Variants in ARIH1 observed in about 807,000 individuals in gnomAD.
The protein encoded by ARIH1 is ariadne RBR E3 ubiquitin protein ligase 1.
ARIH1 carries 8 observed loss-of-function variants against 85.0 expected under a neutral mutation model. That is an observed-to-expected ratio of 0.09 (90% confidence interval 0.06 to 0.17). The LOEUF (loss-of-function observed/expected upper bound fraction) is 0.17. Among genes scored for constraint, ARIH1 ranks in the 10% least tolerant of loss-of-function variants. The pLI, the probability that ARIH1 is intolerant of heterozygous loss-of-function variation, is 1.00. For synonymous variants in ARIH1, 238 were observed against 253.6 expected, an observed-to-expected ratio of 0.94 and a Z score of 0.59; for missense variants, 311 against 718.1, an observed-to-expected ratio of 0.43 and a Z score of 6.48.
intron 1 of ARIH1, among the ~76,000 whole-genome samples, chr15:72,478,803 G>A (rs2063804173): frequency 6.6e-6 from 1 of 152,302 alleles, no homozygotes; most frequent in Admixed American, 6.5e-5. Flanking sequence ...GAGAAGAGCA[G>A]CAGCTCTTAG....
rs141078584 is a variant in ARIH1, at chr15:72,482,375, A to T, written c.375+7361A>T. 1.0e-3 allele frequency among the ~76,000 whole-genome samples: 153 copies of T among 152,288 alleles called. 1 individual carries two copies. Among genetic ancestry groups the T allele is most frequent in the Non-Finnish European group, 1.7e-3 (119 of 68,032 alleles). On this transcript the variant is annotated intron_variant, in intron 1 of 13. Coordinates refer to ENST00000379887, the MANE Select transcript of ARIH1 (RefSeq NM_005744.5). ...GTTAAAGCTGTTAGGTTAGTGAGTA[A>T]TTTAAATAAGTGGATAGTAATAGAT...
At chr15:72,504,031 A>G in intron 1 of ARIH1, among the ~76,000 whole-genome samples, 1 of 152,264 alleles carries the variant, frequency 6.6e-6, no homozygotes, top group East Asian at 1.9e-4. Flanking sequence ...TAGTGAGGGC[A>G]AAGGGCCAGT....
intron 11 of ARIH1, among the ~76,000 whole-genome samples, chr15:72,574,485 CAT>C (rs1240752456): frequency 6.6e-6 from 1 of 152,164 alleles, no homozygotes; most frequent in Non-Finnish European, 1.5e-5. Context: ...AAGGTTGACA[CAT>C]ATTCAAAAGA....
rs1444076655 is a variant in ARIH1, at chr15:72,587,228, A to G, written c.*3936A>G. The stretch of plus-strand genomic sequence containing the variant: ...TTCCTTCTACCTGAAACTTAACATC[A>G]TGCTACCTCTTTGTATCATATTTTG... On this transcript the variant is annotated 3_prime_UTR_variant, in exon 14 of 14. Transcript: ENST00000379887. The G allele has an allele frequency of 3.8e-6, 2 of 527,118 alleles. No individual in the cohort carries two copies. The highest frequency in any genetic ancestry group is 3.9e-6 in the Non-Finnish European group (1 of 256,358). 32.7% of individuals were successfully genotyped at this position (527,118 alleles called of 1,614,324 possible).
intron 7 of ARIH1, 162 bp from the exon 8 acceptor site, chr15:72,566,400 AG>A (rs1357909094): frequency 7.9e-6 from 5 of 634,912 alleles, no homozygotes; most frequent in Non-Finnish European, 1.1e-5. Flanking sequence ...ACTAAATTCT[AG>A]GTAATTAACT....
rs866599194 is a variant in ARIH1 at position 72,474,362 on chromosome 15, T to C, written c.-278T>C. The C allele has an allele frequency of 6.8e-6, 3 of 440,308 alleles. No individual in the cohort carries two copies. Among genetic ancestry groups the C allele is most frequent in the African/African-American group, 2.1e-5 (1 of 46,664 alleles). The allele number at this position is 440,308 out of a possible 1,614,324, so 27.3% of individuals were successfully genotyped here. ...ATAGCAGCGGCCGTGGAGGTGGCGT[T>C]GGGGACTGTTTTCTCTCGGAGGCCG... On this transcript the variant is annotated 5_prime_UTR_variant, in exon 1 of 14. Transcript: ENST00000379887.
At chr15:72,528,680 C>T (rs545871078) in intron 2 of ARIH1, among the ~76,000 whole-genome samples, 1 of 151,940 alleles carries the variant, frequency 6.6e-6, no homozygotes, top group South Asian at 2.1e-4. Context: ...ATAGGGAGAC[C>T]CCCATCTCTA....
intron 1 of ARIH1, among the ~76,000 whole-genome samples, chr15:72,513,705 CTCCCTCCCTCCCCCTGTCCCTCCT>C (rs1337817617): frequency 1.3e-5 from 1 of 77,874 alleles, no homozygotes; most frequent in Non-Finnish European, 2.6e-5. Flanking sequence ...CCCCCTCTCC[CTCCCTCCCTCCCCCTGTCCCTCCT>C]TCCCTCCCTC....
intron 2 of ARIH1, among the ~76,000 whole-genome samples, chr15:72,535,113 G>A (rs1036351621): frequency 1.3e-5 from 2 of 150,602 alleles, no homozygotes; most frequent in African/African-American, 2.4e-5. Context: ...CACCTCGCCC[G>A]GCTAATTTTT....
chr15:72,513,538 G>A (rs773589950), intron 1 of ARIH1, among the ~76,000 whole-genome samples: 16 of 152,048 alleles, frequency 1.1e-4, no homozygotes, highest in Non-Finnish European at 1.5e-4. Context: ...GAAAAATAGT[G>A]TATAATATTT....
At chr15:72,551,393 A>G (rs1186274711) in intron 3 of ARIH1, among the ~76,000 whole-genome samples, 1 of 152,230 alleles carries the variant, frequency 6.6e-6, no homozygotes, top group Non-Finnish European at 1.5e-5. Flanking sequence ...AGAGTCAAAT[A>G]TGCATGAGGA....
At chr15:72,529,865 G>A (rs1361516418) in intron 2 of ARIH1, among the ~76,000 whole-genome samples, 3 of 152,184 alleles carry the variant, frequency 2.0e-5, no homozygotes, top group Admixed American at 6.5e-5. Flanking sequence ...AATGTTTAAT[G>A]CACGTTATAA....
chr15:72,493,154 T>G (rs1567338625), intron 1 of ARIH1, among the ~76,000 whole-genome samples: 1 of 152,206 alleles, frequency 6.6e-6, no homozygotes, highest in Non-Finnish European at 1.5e-5. Flanking sequence ...TGTAGCTTTT[T>G]ACCTGAACCT....
chr15:72,483,725 A>G (rs1234325825), intron 1 of ARIH1, among the ~76,000 whole-genome samples: 1 of 152,046 alleles, frequency 6.6e-6, no homozygotes, highest in African/African-American at 2.4e-5. Flanking sequence ...ATTCCTAATA[A>G]CCTTTCAGTG....
At chr15:72,567,906 C>A (rs1417889346) in intron 9 of ARIH1, among the ~76,000 whole-genome samples, 1 of 151,960 alleles carries the variant, frequency 6.6e-6, no homozygotes, top group Non-Finnish European at 1.5e-5. Flanking sequence ...GTTGTTTGAC[C>A]CATAGTATAT....
intron 1 of ARIH1, among the ~76,000 whole-genome samples, chr15:72,517,203 T>A (rs532574514): frequency 6.6e-6 from 1 of 152,336 alleles, no homozygotes; most frequent in South Asian, 2.1e-4. Flanking sequence ...TGGTTAAATA[T>A]CTCTGAAGTA....
intron 3 of ARIH1, among the ~76,000 whole-genome samples, chr15:72,546,315 A>G (rs1255567437): frequency 6.6e-6 from 1 of 152,206 alleles, no homozygotes. Flanking sequence ...TGTACAAGTG[A>G]TGAGAAAAGT....
intron 3 of ARIH1, among the ~76,000 whole-genome samples, chr15:72,550,048 G>A (rs576117946): frequency 3.0e-4 from 45 of 152,290 alleles, no homozygotes; most frequent in Middle Eastern, 3.4e-3. Context: ...TTCCTCGAAA[G>A]CACAATGAAT....
intron 6 of ARIH1, among the ~76,000 whole-genome samples, chr15:72,562,650 G>T (rs2064202168): frequency 6.7e-6 from 1 of 150,230 alleles, no homozygotes; most frequent in African/African-American, 2.4e-5. Context: ...GGGAGAAGTT[G>T]TATGTATATC....
Sources: gnomAD v4.1 joint callset for allele counts (sites outside exome capture counted in the v4.1 genomes callset) on GRCh38, gnomAD v4.1.1 for gene constraint, MANE v1.5 for transcripts, NCBI Gene and HGNC (gene_info 2026-07-23, HGNC 2026-07-21) for gene names.